Variants in NEK10 observed in about 807,000 individuals in gnomAD.
NEK10 encodes the protein serine/threonine-protein kinase Nek10.
NEK10 carries 122 observed loss-of-function variants against 159.8 expected under a neutral mutation model. The observed-to-expected ratio is 0.76, with a 90% CI of 0.66 to 0.89. The LOEUF is 0.89. NEK10 is among the 40% of genes least tolerant of loss of function. The pLI, the probability that NEK10 is intolerant of heterozygous loss-of-function variation, is 0.00. For synonymous variants in NEK10, 466 were observed against 457.1 expected, an observed-to-expected ratio of 1.02 and a Z score of -0.25; for missense variants, 1,342 against 1,323.1, an observed-to-expected ratio of 1.01 and a Z score of -0.22.
intron 13 of NEK10, among the ~76,000 whole-genome samples, chr3:27,300,643 G>T (rs1380237174): frequency 6.6e-6 from 1 of 152,000 alleles, no homozygotes; most frequent in Non-Finnish European, 1.5e-5. Flanking sequence ...CCCTTCTCAG[G>T]CACTCACTCT....
At chr3:27,140,603 G>T (rs1943688851) in intron 31 of NEK10, among the ~76,000 whole-genome samples, 1 of 152,044 alleles carries the variant, frequency 6.6e-6, no homozygotes, top group South Asian at 2.1e-4. Flanking sequence ...GAGCCCAATG[G>T]GCCCAGTTGG....
At chr3:27,210,437 T>A (rs1348177925) in intron 23 of NEK10, among the ~76,000 whole-genome samples, 1 of 152,112 alleles carries the variant, frequency 6.6e-6, no homozygotes, top group Non-Finnish European at 1.5e-5. Flanking sequence ...CTCTTAAAGG[T>A]CCCATCTCCT....
intron 3 of NEK10, among the ~76,000 whole-genome samples, chr3:27,351,360 A>C (rs1423949144): frequency 1.3e-5 from 2 of 152,138 alleles, no homozygotes; most frequent in Non-Finnish European, 2.9e-5. Context: ...GTCATTTAAC[A>C]GGTATCTCAG....
chr3:27,122,388 G>A (rs747051962), intron 32 of NEK10, among the ~76,000 whole-genome samples: 5 of 152,172 alleles, frequency 3.3e-5, no homozygotes, highest in Non-Finnish European at 5.9e-5. Context: ...CATGCAGCCT[G>A]AGAATGGACT....
At chr3:27,128,540 G>A (rs570061257) in intron 32 of NEK10, among the ~76,000 whole-genome samples, 10 of 152,170 alleles carry the variant, frequency 6.6e-5, no homozygotes, top group African/African-American at 1.9e-4. Flanking sequence ...ATTCATAAAG[G>A]AAAGGCAGAA....
chr3:27,286,483 G>A (rs2042618968), intron 20 of NEK10, among the ~76,000 whole-genome samples: 1 of 147,264 alleles, frequency 6.8e-6, no homozygotes, highest in East Asian at 2.0e-4. Context: ...CAGGGTTCAA[G>A]CAATTCTCCT....
intron 31 of NEK10, 101 bp from the exon 32 acceptor site, chr3:27,132,091 A>T (rs1275894356): frequency 1.8e-6 from 1 of 544,006 alleles, no homozygotes; most frequent in Non-Finnish European, 3.3e-6. Context: ...ATATTCACTC[A>T]ATAGGACTAT....
At chr3:27,112,093 C>G (rs1939654208) in intron 35 of NEK10, among the ~76,000 whole-genome samples, 1 of 152,194 alleles carries the variant, frequency 6.6e-6, no homozygotes, top group Non-Finnish European at 1.5e-5. Context: ...GCTGCTCTTT[C>G]TGTTCCTGTT....
chr3:27,266,128 T>C (rs1245375434), intron 22 of NEK10, among the ~76,000 whole-genome samples: 1 of 152,218 alleles, frequency 6.6e-6, no homozygotes, highest in Non-Finnish European at 1.5e-5. Context: ...TATTTTCTAC[T>C]AGTCTGCAGC....
chr3:27,322,463 G>GT (rs537475913), intron 5 of NEK10, among the ~76,000 whole-genome samples: 1 of 151,348 alleles, frequency 6.6e-6, no homozygotes, highest in Non-Finnish European at 1.5e-5. Context: ...TGGAGGAGAG[G>GT]CCCCCCCCAA....
At chr3:27,122,863 C>T (rs1372086649) in intron 32 of NEK10, among the ~76,000 whole-genome samples, 2 of 152,148 alleles carry the variant, frequency 1.3e-5, no homozygotes, top group Non-Finnish European at 2.9e-5. Flanking sequence ...CAGGGTTCAT[C>T]TCAAACTCTG....
rs536581592 is a variant in NEK10, at chr3:27,357,569, T to C, written c.-37-4650A>G. 2.0e-5 allele frequency among the ~76,000 whole-genome samples: 3 copies of C among 152,312 alleles called. No homozygotes were observed. The South Asian group carries it at 6.2e-4, about 32-fold the overall frequency. ...CTGATACTTTTGGTTCAAATCCTGTTCAGTGAGACAATGCCACTGGTGATG... is the reference window on the plus strand; with the variant it reads ...CTGATACTTTTGGTTCAAATCCTGTCCAGTGAGACAATGCCACTGGTGATG... On this transcript the variant is annotated intron_variant, in intron 1 of 35. Transcript: ENST00000691995.
chr3:27,281,968 CA>C (rs2042192691), intron 22 of NEK10, among the ~76,000 whole-genome samples: 1 of 151,862 alleles, frequency 6.6e-6, no homozygotes, highest in Non-Finnish European at 1.5e-5. Context: ...GGAACACAAA[CA>C]AAAAAGAAGG....
In NEK10 at chr3:27,352,852, T is replaced by C. The variant is rs1183471577; in HGVS notation, c.31A>G (p.Thr11Ala). 1 of 1,610,680 alleles carries C rather than the reference T, an allele frequency of 6.2e-7. No homozygotes were observed. The highest frequency in any genetic ancestry group is 1.7e-5 in the Admixed American group (1 of 59,904). Reference sequence around the variant, plus strand: ...TGCTGTTTATCAGTTGATTTTTCTGTGGTCTTCACCTTTTTATCTTGATCA... The same window carrying C: ...TGCTGTTTATCAGTTGATTTTTCTGCGGTCTTCACCTTTTTATCTTGATCA... MPDQDKKVKT[T>A]EKSTDKQQEI... The change falls in exon 2 of 36, where the codon ACA (threonine) becomes GCA (alanine). Residue 11 changes from threonine to alanine, a missense_variant. Coordinates refer to ENST00000691995, the MANE Select transcript of NEK10 (RefSeq NM_001394966.1).
At chr3:27,193,238 A>T (rs564346753) in intron 25 of NEK10, among the ~76,000 whole-genome samples, 91 of 152,320 alleles carry the variant, frequency 6.0e-4, no homozygotes, top group African/African-American at 2.1e-3. Flanking sequence ...CTTCCCCTGT[A>T]ATCCCACAGC....
At chr3:27,214,322 A>T (rs1315237122) in intron 23 of NEK10, among the ~76,000 whole-genome samples, 1 of 152,164 alleles carries the variant, frequency 6.6e-6, no homozygotes, top group African/African-American at 2.4e-5. Flanking sequence ...CGGTCCTCAC[A>T]TGTGGCTCAG....
intron 33 of NEK10, among the ~76,000 whole-genome samples, chr3:27,116,931 C>A (rs367868277): frequency 5.9e-5 from 9 of 151,990 alleles, no homozygotes; most frequent in African/African-American, 2.2e-4. Flanking sequence ...AGGTATTAAG[C>A]CCAGCATGCA....
At chr3:27,248,435 T>C (rs1955314628) in intron 23 of NEK10, among the ~76,000 whole-genome samples, 1 of 152,144 alleles carries the variant, frequency 6.6e-6, no homozygotes, top group Admixed American at 6.5e-5. Context: ...TCTAGTTCTC[T>C]CAGATGCATC....
At chr3:27,166,835 C>A (rs1278659668) in intron 29 of NEK10, among the ~76,000 whole-genome samples, 1 of 152,014 alleles carries the variant, frequency 6.6e-6, no homozygotes, top group South Asian at 2.1e-4. Flanking sequence ...TGGCAGGAGC[C>A]TATAATCCCA....
Sources: allele counts gnomAD v4.1 joint callset (sites outside exome capture counted in the v4.1 genomes callset), GRCh38; gene constraint gnomAD v4.1.1; transcripts MANE v1.5; gene names NCBI Gene and HGNC (gene_info 2026-07-23, HGNC 2026-07-21).